CCDC88A: variants seen among roughly 807,000 people sequenced by gnomAD.
CCDC88A encodes girdin.
CCDC88A carries 54 observed loss-of-function variants against 234.3 expected under a neutral mutation model. The ratio of observed to expected loss-of-function variants is 0.23; its 90% CI spans 0.19 to 0.29. CCDC88A has a LOEUF of 0.29. Among genes scored for constraint, CCDC88A ranks in the 10% least tolerant of loss-of-function variants. CCDC88A has a pLI of 1.00. For missense variants in CCDC88A, 1,832 were observed against 2,123.4 expected (o/e 0.86, Z 2.70); for synonymous variants, 753 against 737.8 (o/e 1.02, Z -0.33).
chr2:55,343,604 T>C (rs751481969), intron 12 of CCDC88A, 44 bp downstream of exon 12: 18 of 1,481,012 alleles, frequency 1.2e-5, no homozygotes, highest in Admixed American at 2.0e-5. Context: ...TAAATACAAC[T>C]TCATGATTCG....
chr2:55,324,413 A>G (rs968784377), intron 17 of CCDC88A: 2 of 152,308 alleles, frequency 1.3e-5, no homozygotes, highest in African/African-American at 2.4e-5. Context: ...TTTCACAAAA[A>G]TTCTGCTTAT....
rs565221397 is a variant in CCDC88A, at chr2:55,290,872, A to G, written c.*328T>C. On this transcript the variant is annotated 3_prime_UTR_variant, in exon 33 of 33. Transcript: ENST00000436346. ...CAGATTGTTCTTGGAGTACTTCTTT[A>G]AACACTTAACCTTAAAACACCTGGT... is the stretch of plus-strand genomic sequence containing the variant. 6.6e-6 allele frequency: 1 copy of G among 152,664 alleles called. No homozygotes were observed. The highest frequency in any genetic ancestry group is 1.9e-4 in the East Asian group (1 of 5,188). 9.5% of individuals were successfully genotyped at this position (152,664 alleles called of 1,614,324 possible).
At chr2:55,340,080 A>C (rs1175532299) in intron 12 of CCDC88A, 1 of 152,962 alleles carries the variant, frequency 6.5e-6, no homozygotes, top group Non-Finnish European at 1.5e-5. Flanking sequence ...TGGCCTCCCA[A>C]AGTGCTGGGA....
At chr2:55,346,823 CTT>C (rs1229947220) in intron 9 of CCDC88A, among the ~76,000 whole-genome samples, 1 of 152,018 alleles carries the variant, frequency 6.6e-6, no homozygotes, top group Non-Finnish European at 1.5e-5. Flanking sequence ...GAGATATAAA[CTT>C]TTTTTCCATT....
In CCDC88A at chr2:55,332,449, A is replaced by G. The variant is rs781077421; in HGVS notation, c.2855+117T>C. The stretch of plus-strand genomic sequence containing the variant: ...AGAACTTTCCTTAAGGGAAGGAAGG[A>G]ACCAGAAATAGGGTGAAATATATAA... On this transcript the variant is annotated intron_variant, in intron 16 of 32. Transcript: ENST00000436346. This position sits in a 1 kb window ranked among gnomAD's most constrained non-coding sequence, Gnocchi z 4.5. The G allele has an allele frequency of 8.5e-6, 12 of 1,405,260 alleles. No individual in the cohort carries two copies. The highest frequency in any genetic ancestry group is 1.1e-5 in the Non-Finnish European group (12 of 1,081,048). 87.0% of individuals were successfully genotyped at this position (1,405,260 alleles called of 1,614,324 possible). A position where few individuals can be genotyped will look rare whatever the true frequency, so the allele number is the denominator to read the frequency against.
In CCDC88A at chr2:55,374,665, C is replaced by T. The variant is rs199651029; in HGVS notation, c.343+149G>A. On this transcript the variant is annotated intron_variant, in intron 4 of 32. Transcript: ENST00000436346. ...TAACTTACAAATATTCTAAGCTTGT[C>T]TCTTTCTATAAAATGGAACATCACC... 2.9e-4 allele frequency: 136 copies of T among 473,070 alleles called. No homozygotes were observed. In the East Asian group the frequency reaches 3.8e-3, roughly 13 times the overall value. The allele number at this position is 473,070 out of a possible 1,614,324, so 29.3% of individuals were successfully genotyped here.
chr2:55,308,687 G>T, intron 25 of CCDC88A, 122 bp downstream of exon 25: 2 of 689,114 alleles, frequency 2.9e-6, no homozygotes, highest in South Asian at 1.9e-5. Flanking sequence ...TTAATTTTAT[G>T]ATGTTAAATT....
At chr2:55,342,462 T>C (rs1668623818) in intron 12 of CCDC88A, among the ~76,000 whole-genome samples, 1 of 152,178 alleles carries the variant, frequency 6.6e-6, no homozygotes. Context: ...CTCAGAAGTC[T>C]AGATGATATT....
At chr2:55,362,097 G>C in intron 7 of CCDC88A, 1 of 396,316 alleles carries the variant, frequency 2.5e-6, no homozygotes, top group Non-Finnish European at 4.5e-6. Flanking sequence ...TAATTTAAAA[G>C]AAAAGGAGAA....
At chr2:55,390,571 T>C (rs1676481801) in intron 2 of CCDC88A, among the ~76,000 whole-genome samples, 2 of 152,242 alleles carry the variant, frequency 1.3e-5, no homozygotes, top group African/African-American at 4.8e-5. Context: ...AGATACCCTC[T>C]TGCCATAAAA....
chr2:55,388,836 G>A lies in CCDC88A; in HGVS notation c.215C>T (p.Ala72Val), dbSNP rs1334531224. The A allele has an allele frequency of 6.5e-7, 1 of 1,539,576 alleles. No homozygotes were observed. The highest frequency in any genetic ancestry group is 8.9e-7 in the Non-Finnish European group (1 of 1,129,484). Residue 72 changes from alanine (A) to valine (V), a missense_variant, in exon 3 of 33, where the codon GCC (alanine) becomes GTC (valine). By Grantham distance (64) the Ala-to-Val change is moderately conservative. Around this residue, in one of 6 missense-constraint regions of CCDC88A, gnomAD observed 84 missense variants for 80.9 expected, o/e 1.04. Coordinates refer to ENST00000436346, the MANE Select transcript of CCDC88A (RefSeq NM_001365480.1). Reference protein sequence around the residue: ...QRVNKKVNNDASLRMHNLSIL... With the variant: ...QRVNKKVNNDVSLRMHNLSIL... ...GGATAGATTGTGCATTCTAAGTGAG[G>A]CATCATTATTGACTTTTTTATTTAC...
chr2:55,414,043 T>G (rs889459056), intron 2 of CCDC88A, among the ~76,000 whole-genome samples: 2 of 151,734 alleles, frequency 1.3e-5, no homozygotes, highest in Non-Finnish European at 2.9e-5. Context: ...CCCAAAATTC[T>G]AAAGGAAAAG....
intron 2 of CCDC88A, among the ~76,000 whole-genome samples, chr2:55,398,001 A>G (rs1409166593): frequency 6.6e-6 from 1 of 152,190 alleles, no homozygotes; most frequent in East Asian, 1.9e-4. Flanking sequence ...GTAATTTTAG[A>G]AATCTGAAGA....
At chr2:55,387,531 C>T (rs1386830682) in intron 3 of CCDC88A, among the ~76,000 whole-genome samples, 1 of 151,778 alleles carries the variant, frequency 6.6e-6, no homozygotes, top group Non-Finnish European at 1.5e-5. Context: ...CCTGTAATCC[C>T]AGCACTTTGG....
At chr2:55,319,742 T>A in intron 18 of CCDC88A, among the ~76,000 whole-genome samples, 1 of 152,308 alleles carries the variant, frequency 6.6e-6, no homozygotes. Context: ...CAATGATTAT[T>A]ATATTTTAAA....
chr2:55,353,327 T>C (rs1259106898), intron 8 of CCDC88A, among the ~76,000 whole-genome samples: 2 of 152,212 alleles, frequency 1.3e-5, no homozygotes, highest in African/African-American at 4.8e-5. Flanking sequence ...TGGAGCAAAC[T>C]AGTGTTCACT....
chr2:55,336,292 T>C (rs1029857320), intron 14 of CCDC88A, among the ~76,000 whole-genome samples: 5 of 152,114 alleles, frequency 3.3e-5, no homozygotes, highest in African/African-American at 1.2e-4. Context: ...TGAAAACAAA[T>C]TTGGTAATAT....
chr2:55,366,400 G>A (rs914588987), intron 5 of CCDC88A, among the ~76,000 whole-genome samples: 9 of 151,936 alleles, frequency 5.9e-5, no homozygotes, highest in African/African-American at 1.5e-4. Flanking sequence ...GGTGGCAGGC[G>A]CCTGTAATCC....
At chr2:55,358,035 G>T (rs1017105527) in intron 7 of CCDC88A, among the ~76,000 whole-genome samples, 9 of 152,032 alleles carry the variant, frequency 5.9e-5, no homozygotes, top group African/African-American at 2.2e-4. Context: ...CTTTTACTCA[G>T]TCCAAGAGAT....
Sources: gnomAD v4.1 joint callset for allele counts (sites outside exome capture counted in the v4.1 genomes callset) on GRCh38, gnomAD v4.1.1 for gene constraint, gnomAD v4.1.1 regional missense constraint, Gnocchi (gnomAD v3.1) non-coding constraint, MANE v1.5 for transcripts, NCBI Gene and HGNC (gene_info 2026-07-23, HGNC 2026-07-21) for gene names.